Variants in WDR7 observed in about 807,000 individuals in gnomAD.
WDR7 encodes the protein WD repeat domain 7.
WDR7 carries 46 observed loss-of-function variants against 169.4 expected under a neutral mutation model. The observed-to-expected ratio is 0.27, with a 90% confidence interval of 0.21 to 0.35. WDR7 has a LOEUF of 0.35. Among genes scored for constraint, WDR7 ranks in the 10% least tolerant of loss-of-function variants. WDR7 has a pLI of 1.00. For synonymous variants in WDR7, 612 were observed against 666.8 expected (o/e 0.92, Z 1.27); for missense variants, 1,534 against 1,859.3 (o/e 0.83, Z 3.22).
At chr18:56,991,053 A>T (rs1235383498) in intron 26 of WDR7, among the ~76,000 whole-genome samples, 1 of 151,974 alleles carries the variant, frequency 6.6e-6, no homozygotes, top group Non-Finnish European at 1.5e-5. Context: ...TTCTCCTGTG[A>T]TGAAAGTCAG....
At chr18:57,020,888 C>G (rs373782362) in intron 27 of WDR7, 39 bp downstream of exon 27, 2 of 1,578,568 alleles carry the variant, frequency 1.3e-6, no homozygotes, top group Non-Finnish European at 1.7e-6. Context: ...GCATATACTG[C>G]GTGATATGCC....
chr18:56,910,748 A>G (rs759211730), intron 21 of WDR7, among the ~76,000 whole-genome samples: 3 of 152,186 alleles, frequency 2.0e-5, no homozygotes, highest in Non-Finnish European at 4.4e-5. Context: ...AATGTAAATT[A>G]TCTAAGATTT....
chr18:57,010,732 A>C lies in WDR7; in HGVS notation c.4165-10013A>C, dbSNP rs2048124206. 1.3e-5 allele frequency among the ~76,000 whole-genome samples: 2 copies of C among 152,218 alleles called. 1 individual carries two copies. Reference sequence around the variant, plus strand: ...TTATCCTGGAAATATTGGGCCTAATAAATCAGAAGAACAGGGAAGAGCAAG... The same window carrying C: ...TTATCCTGGAAATATTGGGCCTAATCAATCAGAAGAACAGGGAAGAGCAAG... On this transcript the variant is annotated intron_variant, in intron 26 of 27. Coordinates refer to ENST00000254442, the MANE Select transcript of WDR7 (RefSeq NM_015285.3).
intron 26 of WDR7, among the ~76,000 whole-genome samples, chr18:56,963,106 T>A (rs1029223369): frequency 6.6e-6 from 1 of 152,196 alleles, no homozygotes; most frequent in African/African-American, 2.4e-5. Context: ...CTGATCTTGA[T>A]CACCTGATTC....
At chr18:56,900,110 A>ATAT (rs1568256012) in intron 21 of WDR7, among the ~76,000 whole-genome samples, 4 of 147,802 alleles carry the variant, frequency 2.7e-5, no homozygotes, top group South Asian at 2.1e-4. Context: ...ATATATATAT[A>ATAT]AAATTGTTAA....
rs552325072 is a variant in WDR7, at chr18:56,773,274, C to T, written c.2849-3508C>T. ...ACGATGCTAAAGGGTAGCATTGTAACGGGGCTTCAAGACAGTCTTTATGAT... is the reference window on the plus strand; with the variant it reads ...ACGATGCTAAAGGGTAGCATTGTAATGGGGCTTCAAGACAGTCTTTATGAT... On this transcript the variant is annotated intron_variant, in intron 16 of 27. Coordinates refer to ENST00000254442, the MANE Select transcript of WDR7 (RefSeq NM_015285.3). 1.2e-4 allele frequency among the ~76,000 whole-genome samples: 18 copies of T among 152,020 alleles called. No individual in the cohort carries two copies. The South Asian group carries it at 1.2e-3, about 11-fold the overall frequency.
In WDR7 at chr18:57,027,301, G is replaced by C. The variant is rs1246619182; in HGVS notation, c.*94G>C. ...TCCTCACACCAGATTGTTCCCAGGG[G>C]CCTGCCCACCCCAGTGCCATCCAGT... On this transcript the variant is annotated 3_prime_UTR_variant, in exon 28 of 28. Coordinates refer to ENST00000254442, the MANE Select transcript of WDR7 (RefSeq NM_015285.3). 3.4e-6 allele frequency: 5 copies of C among 1,463,320 alleles called. No individual in the cohort carries two copies. The African/African-American group carries it at 7.0e-5, about 20-fold the overall frequency. 90.6% of individuals were successfully genotyped at this position (1,463,320 alleles called of 1,614,324 possible). A position where few individuals can be genotyped will look rare whatever the true frequency, so the allele number is the denominator to read the frequency against.
chr18:56,939,319 C>T lies in WDR7; in HGVS notation c.3990C>T (p.Asp1330=). 2 of 1,524,554 alleles carry T rather than the reference C, an allele frequency of 1.3e-6. No homozygotes were observed. The highest frequency in any genetic ancestry group is 1.4e-5 in the South Asian group (1 of 72,608). 94.4% of individuals were successfully genotyped at this position (1,524,554 alleles called of 1,614,324 possible). A position where few individuals can be genotyped will look rare whatever the true frequency, so the allele number is the denominator to read the frequency against. The change falls in exon 25 of 28, where the codon GAC becomes GAT. Residue 1330 remains aspartate, a synonymous_variant. Transcript: ENST00000254442. ...DVVDLLVEVM[D]IIMYCLEGSL... is the part of the protein sequence containing the mutation. ...GTTCTTTTCTGTCAAAGGTTATGGACATCATTATGTACTGCCTTGAAGGAT... is the reference window on the plus strand; with the variant it reads ...GTTCTTTTCTGTCAAAGGTTATGGATATCATTATGTACTGCCTTGAAGGAT...
At chr18:56,946,465 T>G (rs933787861) in intron 25 of WDR7, among the ~76,000 whole-genome samples, 1 of 152,114 alleles carries the variant, frequency 6.6e-6, no homozygotes, top group Admixed American at 6.6e-5. Context: ...TTGTTTGTGT[T>G]TGTTTGTTTG....
At chr18:56,923,657 T>C (rs575448617) in intron 21 of WDR7, among the ~76,000 whole-genome samples, 1 of 152,368 alleles carries the variant, frequency 6.6e-6, no homozygotes, top group Admixed American at 6.5e-5. Context: ...ATCACTGATA[T>C]GTTTTGAAAT....
intron 26 of WDR7, among the ~76,000 whole-genome samples, chr18:56,992,211 T>A (rs2047828477): frequency 6.6e-6 from 1 of 152,230 alleles, no homozygotes; most frequent in African/African-American, 2.4e-5. Flanking sequence ...CAAAATGCAT[T>A]AATATGAATG....
chr18:56,743,125 C>T (rs2144863778), intron 14 of WDR7, among the ~76,000 whole-genome samples: 1 of 152,228 alleles, frequency 6.6e-6, no homozygotes, highest in Middle Eastern at 3.4e-3. Flanking sequence ...CACAGGTTTT[C>T]TGATTGGGTG....
rs1160195537 is a variant in WDR7, at chr18:57,020,762, G to A, written c.4182G>A (p.Lys1394=). ...TATTTTAGACAATCCATGGACACAA[G>A]GGACCAATCACTGCAGTGGCTTTTG... ...TGKCQTIHGH[K]GPITAVAFAP... Residue 1394 remains lysine, a synonymous_variant, in exon 27 of 28, where the codon AAG becomes AAA. Coordinates refer to ENST00000254442, the MANE Select transcript of WDR7 (RefSeq NM_015285.3). The A allele has an allele frequency of 1.9e-6, 3 of 1,614,164 alleles. No individual in the cohort carries two copies. The East Asian group carries it at 6.7e-5, about 36-fold the overall frequency.
intron 13 of WDR7, 119 bp downstream of exon 13, chr18:56,718,278 T>C: frequency 9.3e-7 from 1 of 1,069,796 alleles, no homozygotes; most frequent in Non-Finnish European, 1.3e-6. Flanking sequence ...GTTGCTACTT[T>C]TATTTCTAAT....
chr18:56,960,605 G>T (rs2145768754), intron 25 of WDR7, among the ~76,000 whole-genome samples: 1 of 152,258 alleles, frequency 6.6e-6, no homozygotes, highest in Non-Finnish European at 1.5e-5. Context: ...TATAGATATA[G>T]ATGTAGATGT....
intron 1 of WDR7, among the ~76,000 whole-genome samples, chr18:56,657,072 G>T (rs938992037): frequency 6.6e-6 from 1 of 151,932 alleles, no homozygotes. Context: ...ATTTTAGTGC[G>T]TGTAGAGTGA....
chr18:56,925,064 A>G (rs541220120), intron 22 of WDR7, among the ~76,000 whole-genome samples: 6 of 152,310 alleles, frequency 3.9e-5, no homozygotes, highest in African/African-American at 9.6e-5. Context: ...CTTCACTGAC[A>G]TGATGTCTTT....
intron 26 of WDR7, chr18:57,009,911 C>T (rs1255740339): frequency 2.0e-6 from 2 of 985,256 alleles, no homozygotes; most frequent in African/African-American, 3.5e-5. Flanking sequence ...CTGCTCTAAC[C>T]AAACCATCTT....
intron 26 of WDR7, among the ~76,000 whole-genome samples, chr18:56,995,062 A>C (rs188365879): frequency 6.6e-6 from 1 of 150,558 alleles, no homozygotes; most frequent in African/African-American, 2.5e-5. Context: ...AATATGAGAG[A>C]AAAAAAACTT....
Sources: gnomAD v4.1 joint callset for allele counts (sites outside exome capture counted in the v4.1 genomes callset) on GRCh38, gnomAD v4.1.1 for gene constraint, MANE v1.5 for transcripts, NCBI Gene and HGNC (gene_info 2026-07-23, HGNC 2026-07-21) for gene names.